CD59: variants seen among roughly 807,000 people sequenced by gnomAD.
CD59 encodes CD59 molecule (CD59 blood group), also known as CD59 glycoprotein.
Under a neutral mutation model 7.0 loss-of-function variants are expected in CD59, and 3 were observed. The observed-to-expected ratio is 0.43, with a 90% confidence interval of 0.19 to 1.10. The LOEUF (loss-of-function observed/expected upper bound fraction) is 1.10, where lower values mean the gene tolerates loss of function less well. Among genes scored for constraint, CD59 ranks in the 50% least tolerant of loss-of-function variants. The probability of loss-of-function intolerance (pLI) is 0.29; values close to 1 mark genes in which losing one functional copy is unlikely to be tolerated. For missense variants in CD59, 143 were observed against 151.0 expected (o/e 0.95, Z 0.28); for synonymous variants, 60 against 62.0 (o/e 0.97, Z 0.15).
chr11:33,730,913 A>T (rs1309138730), intron 1 of CD59, among the ~76,000 whole-genome samples: 1 of 152,244 alleles, frequency 6.6e-6, no homozygotes, highest in Non-Finnish European at 1.5e-5. Context: ...CATTTCAGAC[A>T]AGTAATTCAT....
chr11:33,716,657 G>C (rs999830829), intron 3 of CD59, among the ~76,000 whole-genome samples: 4 of 152,158 alleles, frequency 2.6e-5, no homozygotes, highest in Non-Finnish European at 4.4e-5. Context: ...GGGTGATGGA[G>C]GTGAATATTC....
intron 1 of CD59, among the ~76,000 whole-genome samples, chr11:33,730,660 G>GT (rs1223498113): frequency 1.3e-5 from 2 of 152,304 alleles, no homozygotes; most frequent in African/African-American, 4.8e-5. Context: ...TCTGTGAGCT[G>GT]TTTGCCTCTT....
chr11:33,721,593 C>T (rs1854065131), intron 2 of CD59, among the ~76,000 whole-genome samples: 1 of 152,188 alleles, frequency 6.6e-6, no homozygotes, highest in African/African-American at 2.4e-5. Flanking sequence ...TTGATCTTTA[C>T]AATGAAGCAT....
intron 3 of CD59, among the ~76,000 whole-genome samples, chr11:33,713,878 C>T (rs1338150270): frequency 1.3e-5 from 2 of 152,186 alleles, no homozygotes. Context: ...ATCAGAATCC[C>T]TGGAGTGTTA....
rs1386721311 is a variant in CD59, at chr11:33,714,974, T to C, written c.169+2396A>G. Among the ~76,000 whole-genome samples the C allele has an allele frequency of 6.6e-5, 10 of 151,098 alleles. 1 individual carries two copies. The South Asian group carries it at 2.1e-3, about 32-fold the overall frequency. On this transcript the variant is annotated intron_variant, in intron 3 of 3. Transcript: ENST00000642928. The stretch of plus-strand genomic sequence containing the variant: ...TTTTTCTTTTGTAGAGACAGAGTCT[T>C]GTTCTGTCACCCAGGCTAGAGTACA...
intron 2 of CD59, among the ~76,000 whole-genome samples, chr11:33,720,851 A>G (rs1219420158): frequency 6.6e-6 from 1 of 152,262 alleles, no homozygotes; most frequent in Non-Finnish European, 1.5e-5. Context: ...CTCAGAGGAA[A>G]GTTCCCCTGC....
rs149287724 is a variant in CD59 at position 33,704,945 on chromosome 11, G to C, written c.*5181C>G. The C allele has an allele frequency of 2.0e-4, 31 of 152,552 alleles. No individual in the cohort carries two copies. In the East Asian group the frequency reaches 5.8e-3, roughly 28 times the overall value. The allele number at this position is 152,552 out of a possible 1,614,324, so 9.4% of individuals were successfully genotyped here. ...CCATTGTGTTGGTCTGGACTTGGGG[G>C]TGCAGGCATTCCCATCTCCCTTTCA... On this transcript the variant is annotated 3_prime_UTR_variant, in exon 4 of 4. Coordinates refer to ENST00000642928, the MANE Select transcript of CD59 (RefSeq NM_000611.6).
chr11:33,728,992 C>T (rs944482335), intron 1 of CD59, among the ~76,000 whole-genome samples: 3 of 152,108 alleles, frequency 2.0e-5, no homozygotes, highest in Admixed American at 6.5e-5. Context: ...GTTAGAATGG[C>T]GATCATTAAA....
intron 2 of CD59, 73 bp from the exon 3 acceptor site, chr11:33,717,544 T>C (rs1186220968): frequency 1.1e-6 from 1 of 904,132 alleles, no homozygotes; most frequent in African/African-American, 1.6e-5. Context: ...CCATCTCCAT[T>C]AATATGGGCC....
chr11:33,718,895 A>G (rs1156330104), intron 2 of CD59: 5 of 152,192 alleles, frequency 3.3e-5, no homozygotes, highest in Non-Finnish European at 1.5e-5. Flanking sequence ...TTGGAAGGAA[A>G]TCTTCCTGGT....
rs1259614874 is a variant in CD59 at position 33,706,464 on chromosome 11, T to C, written c.*3662A>G. ...TAAATCCATAACTAGCATCTTCCTA[T>C]CTGGCAGACCCTTTACAAATGCATT... On this transcript the variant is annotated 3_prime_UTR_variant, in exon 4 of 4. Coordinates refer to ENST00000642928, the MANE Select transcript of CD59 (RefSeq NM_000611.6). 6.6e-6 allele frequency: 1 copy of C among 151,600 alleles called. No individual in the cohort carries two copies. Among genetic ancestry groups the C allele is most frequent in the Non-Finnish European group, 1.5e-5 (1 of 67,990 alleles). The allele number at this position is 151,600 out of a possible 1,614,324, so 9.4% of individuals were successfully genotyped here.
chr11:33,717,735 C>G, intron 2 of CD59: 1 of 433,300 alleles, frequency 2.3e-6, no homozygotes, highest in African/African-American at 2.0e-5. Flanking sequence ...TAACCTGCAA[C>G]TGGAAGGAGA....
At chr11:33,711,421 T>C (rs1255752753) in intron 3 of CD59, 1 of 701,396 alleles carries the variant, frequency 1.4e-6, no homozygotes, top group Non-Finnish European at 2.6e-6. Flanking sequence ...GTGTGATGGC[T>C]CACACCTGTA....
In CD59 at chr11:33,715,428, C is replaced by T. The variant is rs559554389; in HGVS notation, c.169+1942G>A. On this transcript the variant is annotated intron_variant, in intron 3 of 3. Transcript: ENST00000642928. ...GAGCCTGGGCAAAATAGTGAAACCC[C>T]GTCTCTACTAAAAATACAAAAATTA... is the stretch of plus-strand genomic sequence containing the variant. Among the ~76,000 whole-genome samples, 56 of 152,006 alleles carry T rather than the reference C, an allele frequency of 3.7e-4. 1 individual carries two copies. In the South Asian group the frequency reaches 0.01, roughly 28 times the overall value.
At chr11:33,735,970 G>C (rs1440980736) in intron 1 of CD59, among the ~76,000 whole-genome samples, 1 of 151,772 alleles carries the variant, frequency 6.6e-6, no homozygotes, top group Non-Finnish European at 1.5e-5. Flanking sequence ...TACACATTTA[G>C]ACCGCGAGGG....
intron 3 of CD59, among the ~76,000 whole-genome samples, chr11:33,715,337 C>T (rs1312879147): frequency 2.0e-5 from 3 of 152,250 alleles, no homozygotes; most frequent in African/African-American, 7.2e-5. Context: ...TGGTAGCTCA[C>T]GCCTGTAATC....
intron 2 of CD59, among the ~76,000 whole-genome samples, chr11:33,719,988 A>C (rs1853981102): frequency 6.6e-6 from 1 of 152,238 alleles, no homozygotes; most frequent in Non-Finnish European, 1.5e-5. Context: ...GGGCCATTTT[A>C]AAAGGTTACC....
Position 33,707,148 on chromosome 11 carries a change from T to A in CD59, c.*2978A>T, listed in dbSNP as rs1328410310. ...TCAGTCAGTACTAGCTCCAGCCAGCTGCTCAGCCCATCAAGAATCCCTCAG... is the reference window on the plus strand; with the variant it reads ...TCAGTCAGTACTAGCTCCAGCCAGCAGCTCAGCCCATCAAGAATCCCTCAG... On this transcript the variant is annotated 3_prime_UTR_variant, in exon 4 of 4. Coordinates refer to ENST00000642928, the MANE Select transcript of CD59 (RefSeq NM_000611.6). 6.6e-6 allele frequency: 1 copy of A among 152,286 alleles called. No individual in the cohort carries two copies. The highest frequency in any genetic ancestry group is 1.9e-4 in the East Asian group (1 of 5,208). The allele number at this position is 152,286 out of a possible 1,614,324, so 9.4% of individuals were successfully genotyped here.
chr11:33,706,481 A>T lies in CD59; in HGVS notation c.*3645T>A, dbSNP rs1422282053. ...TCTTCCTATCTGGCAGACCCTTTACAAATGCATTATCTCAAGCCTCACAAC... is the reference window on the plus strand; with the variant it reads ...TCTTCCTATCTGGCAGACCCTTTACTAATGCATTATCTCAAGCCTCACAAC... On this transcript the variant is annotated 3_prime_UTR_variant, in exon 4 of 4. Coordinates refer to ENST00000642928, the MANE Select transcript of CD59 (RefSeq NM_000611.6). 6.6e-6 allele frequency: 1 copy of T among 152,118 alleles called. No individual in the cohort carries two copies. Among genetic ancestry groups the T allele is most frequent in the Non-Finnish European group, 1.5e-5 (1 of 68,000 alleles). 9.4% of individuals were successfully genotyped at this position (152,118 alleles called of 1,614,324 possible). A position where few individuals can be genotyped will look rare whatever the true frequency, so the allele number is the denominator to read the frequency against.
Sources: allele counts gnomAD v4.1 joint callset (sites outside exome capture counted in the v4.1 genomes callset), GRCh38; gene constraint gnomAD v4.1.1; transcripts MANE v1.5; gene names NCBI Gene and HGNC (gene_info 2026-07-23, HGNC 2026-07-21).